The following ZSWIM4 variants were observed in gnomAD, a reference collection of about 807,000 sequenced individuals.
The protein encoded by ZSWIM4 is zinc finger SWIM-type containing 4, also known as zinc finger SWIM domain-containing protein 4.
A neutral mutation model predicts 102.5 loss-of-function variants in ZSWIM4; 62 were observed. The observed-to-expected ratio is 0.60, with a 90% CI of 0.49 to 0.75. The LOEUF (loss-of-function observed/expected upper bound fraction) is 0.75. ZSWIM4 is among the 30% of genes least tolerant of loss of function. ZSWIM4 has a pLI of 0.00. For synonymous variants in ZSWIM4, 652 were observed against 674.5 expected (o/e 0.97, Z 0.52); for missense variants, 1,280 against 1,529.6 (o/e 0.84, Z 2.72).
chr19:13,824,360 G>C, intron 11 of ZSWIM4, among the ~76,000 whole-genome samples: 1 of 151,936 alleles, frequency 6.6e-6, no homozygotes, highest in Non-Finnish European at 1.5e-5. Flanking sequence ...CCAGGAGTTC[G>C]GGACCAGCAA....
At chr19:13,797,873 A>G (rs1421354529) in intron 1 of ZSWIM4, among the ~76,000 whole-genome samples, 1 of 152,082 alleles carries the variant, frequency 6.6e-6, no homozygotes, top group Non-Finnish European at 1.5e-5. Flanking sequence ...GGCTGGTTTC[A>G]AACTCCTGAC....
chr19:13,829,261 G>T (rs923954765), intron 13 of ZSWIM4, among the ~76,000 whole-genome samples: 2 of 151,022 alleles, frequency 1.3e-5, no homozygotes, highest in South Asian at 4.2e-4. Context: ...AGCCTGAGTG[G>T]CAGGGTGAGA....
At chr19:13,802,763 G>C (rs1974808630) in intron 2 of ZSWIM4, among the ~76,000 whole-genome samples, 1 of 152,040 alleles carries the variant, frequency 6.6e-6, no homozygotes, top group Non-Finnish European at 1.5e-5. Context: ...GTTTTTTGTA[G>C]AGACCTGGTC....
intron 2 of ZSWIM4, among the ~76,000 whole-genome samples, chr19:13,800,465 C>G (rs1349551761): frequency 6.6e-6 from 1 of 151,920 alleles, no homozygotes; most frequent in Non-Finnish European, 1.5e-5. Flanking sequence ...CGGGGTTTCA[C>G]CATGTTAGCC....
At chr19:13,824,592 C>T (rs1599613629) in intron 11 of ZSWIM4, among the ~76,000 whole-genome samples, 1 of 151,934 alleles carries the variant, frequency 6.6e-6, no homozygotes, top group African/African-American at 2.4e-5. Flanking sequence ...ATTAGCTGGG[C>T]GTGGTGACCG....
At chr19:13,817,573 C>T (rs553823823) in intron 8 of ZSWIM4, 149 bp from the exon 9 acceptor site, 2 of 1,119,242 alleles carry the variant, frequency 1.8e-6, no homozygotes, top group South Asian at 1.6e-5. Flanking sequence ...GTGGGGCTCC[C>T]GCGCTCCCCC....
At chr19:13,820,839 C>T (rs566771440) in intron 10 of ZSWIM4, among the ~76,000 whole-genome samples, 9 of 151,270 alleles carry the variant, frequency 5.9e-5, no homozygotes, top group African/African-American at 9.7e-5. Flanking sequence ...TGAATCACTG[C>T]GTAGCCTTCC....
chr19:13,830,345 C>T lies in ZSWIM4; in HGVS notation c.2616C>T (p.Ala872=), dbSNP rs147053253. ...GGAGGGAGGAGCTCTGGGCCTGCGC[C>T]CGCACCCTGGCCTTGCAGTGCGCGA... ...TSRREELWAC[A]RTLALQCAMK... is the part of the protein sequence containing the mutation. The change falls in exon 14 of 14, where the codon GCC becomes GCT. Residue 872 remains alanine, a synonymous_variant. Coordinates refer to ENST00000590508, the MANE Select transcript of ZSWIM4 (RefSeq NM_001367834.3). 3.8e-3 allele frequency: 6,088 copies of T among 1,613,326 alleles called. 29 individuals carry two copies. The highest frequency in any genetic ancestry group is 4.6e-3 in the Non-Finnish European group (5,374 of 1,180,002).
chr19:13,795,738 C>A lies in ZSWIM4; in HGVS notation c.90C>A (p.Gly30=). ...GGGCCGGGGCCGCGCGTGGCCGGGGCCGGCCCGAGGCGCTGCTGGACCTCA... is the reference window on the plus strand; with the variant it reads ...GGGCCGGGGCCGCGCGTGGCCGGGGACGGCCCGAGGCGCTGCTGGACCTCA... ...DAGAGAARGR[G]RPEALLDLSA... Residue 30 remains glycine (G), a synonymous_variant, in exon 1 of 14, where the codon GGC becomes GGA. Transcript: ENST00000590508. The A allele has an allele frequency of 8.2e-7, 1 of 1,223,602 alleles. No individual in the cohort carries two copies. Among genetic ancestry groups the A allele is most frequent in the Non-Finnish European group, 1.0e-6 (1 of 981,980 alleles). The allele number at this position is 1,223,602 out of a possible 1,614,324, so 75.8% of individuals were successfully genotyped here. A position where few individuals can be genotyped will look rare whatever the true frequency, so the allele number is the denominator to read the frequency against.
chr19:13,807,591 G>GATGA (rs1054003984), intron 3 of ZSWIM4, among the ~76,000 whole-genome samples: 3 of 151,584 alleles, frequency 2.0e-5, no homozygotes, highest in Non-Finnish European at 2.9e-5. Flanking sequence ...TGGATGGATG[G>GATGA]ATGGATGGAT....
chr19:13,826,931 G>A (rs762776938), intron 12 of ZSWIM4, among the ~76,000 whole-genome samples: 18 of 151,502 alleles, frequency 1.2e-4, no homozygotes, highest in Non-Finnish European at 1.9e-4. Flanking sequence ...GGAGGGTGGG[G>A]TCTGCAGGAT....
At chr19:13,805,256 G>A (rs552042850) in intron 3 of ZSWIM4, 108 bp downstream of exon 3, 11 of 1,080,564 alleles carry the variant, frequency 1.0e-5, no homozygotes, top group Middle Eastern at 2.6e-4. Context: ...TTGTGGGGGC[G>A]GGGGGCGGAA....
intron 12 of ZSWIM4, among the ~76,000 whole-genome samples, chr19:13,827,602 AAAAAAG>A (rs1357166556): frequency 0.014 from 2,124 of 148,096 alleles, 55 homozygotes; most frequent in African/African-American, 0.053. Context: ...AAAAAAAAAA[AAAAAAG>A]AAAAGAAAAA....
intron 3 of ZSWIM4, among the ~76,000 whole-genome samples, chr19:13,808,053 C>A (rs112844214): frequency 0.018 from 2,732 of 151,820 alleles, 76 homozygotes; most frequent in African/African-American, 0.063. Flanking sequence ...AGAGAGAGAG[C>A]GAAGGGGGAG....
chr19:13,817,572 C>A (rs1478978387), intron 8 of ZSWIM4, 150 bp from the exon 9 acceptor site: 2 of 1,117,654 alleles, frequency 1.8e-6, no homozygotes, highest in Non-Finnish European at 2.5e-6. Flanking sequence ...GGTGGGGCTC[C>A]CGCGCTCCCC....
chr19:13,829,221 C>T (rs1314435794), intron 13 of ZSWIM4, among the ~76,000 whole-genome samples: 2 of 152,190 alleles, frequency 1.3e-5, no homozygotes, highest in African/African-American at 2.4e-5. Flanking sequence ...ATTGAGGTTG[C>T]AGTGAGCTGT....
intron 1 of ZSWIM4, chr19:13,796,758 A>T (rs1016925113): frequency 3.3e-5 from 5 of 152,210 alleles, no homozygotes; most frequent in Non-Finnish European, 1.5e-5. Flanking sequence ...TTTCAGCTTC[A>T]GTGTGGGCCC....
chr19:13,797,957 G>A (rs1202841888), intron 1 of ZSWIM4, among the ~76,000 whole-genome samples: 4 of 152,268 alleles, frequency 2.6e-5, no homozygotes, highest in East Asian at 1.9e-4. Flanking sequence ...GCACCCGGAC[G>A]TATCTTATAA....
chr19:13,805,225 T>C, intron 3 of ZSWIM4, 77 bp downstream of exon 3: 13 of 1,326,206 alleles, frequency 9.8e-6, no homozygotes, highest in Non-Finnish European at 1.3e-5. Flanking sequence ...TGCCCAGTGC[T>C]GGTCACTTAC....
Sources: gnomAD v4.1 joint callset for allele counts (sites outside exome capture counted in the v4.1 genomes callset) on GRCh38, gnomAD v4.1.1 for gene constraint, MANE v1.5 for transcripts, NCBI Gene and HGNC (gene_info 2026-07-23, HGNC 2026-07-21) for gene names.